The following AKAP10 variants were observed in gnomAD, a reference collection of about 807,000 sequenced individuals.
AKAP10 encodes the protein A-kinase anchoring protein 10.
A neutral mutation model predicts 80.8 loss-of-function variants in AKAP10; 24 were observed. The observed-to-expected ratio is 0.30, with a 90% CI of 0.22 to 0.42. The LOEUF (loss-of-function observed/expected upper bound fraction) is 0.42. Among genes scored for constraint, AKAP10 ranks in the 10% least tolerant of loss-of-function variants. The pLI is 1.00. For missense variants in AKAP10, 661 were observed against 794.9 expected (o/e 0.83, Z 2.03); for synonymous variants, 291 against 277.7 (o/e 1.05, Z -0.48).
rs1362131356 is a variant in AKAP10 at position 19,939,787 on chromosome 17, C to T, written c.1248G>A (p.Gln416=). Residue 416 remains glutamine (Q), a synonymous_variant, in exon 8 of 15, where the codon CAG becomes CAA. Transcript: ENST00000225737. ...GGCCCTTTTTGGCAGCAAGCTGAGA[C>T]TGGAAGTTATCTGCTGCCAACCAGA... ...LQFWLAADNF[Q]SQLAAKKGQY... is the part of the protein sequence containing the mutation. 1.2e-6 allele frequency: 2 copies of T among 1,614,030 alleles called. No homozygotes were observed. Among genetic ancestry groups the T allele is most frequent in the Non-Finnish European group, 1.7e-6 (2 of 1,180,000 alleles).
chr17:19,923,606 A>T (rs2042842167), intron 11 of AKAP10, among the ~76,000 whole-genome samples: 2 of 152,024 alleles, frequency 1.3e-5, no homozygotes, highest in East Asian at 3.9e-4. Flanking sequence ...AGCTCACTGC[A>T]AGCTCCGCCT....
chr17:19,934,969 G>A lies in AKAP10; in HGVS notation c.1467+1317C>T, dbSNP rs947214960. Among the ~76,000 whole-genome samples the A allele has an allele frequency of 8.5e-5, 13 of 152,302 alleles. No homozygotes were observed. In the East Asian group the frequency reaches 1.3e-3, roughly 16 times the overall value. ...AGAAGTTGCAGTGTGCCAAGACTGTGCAACTGCACTCCAGCCTGGACAATG... is the reference window on the plus strand; with the variant it reads ...AGAAGTTGCAGTGTGCCAAGACTGTACAACTGCACTCCAGCCTGGACAATG... On this transcript the variant is annotated intron_variant, in intron 9 of 14. Coordinates refer to ENST00000225737, the MANE Select transcript of AKAP10 (RefSeq NM_007202.4).
At chr17:19,921,551 G>A (rs913764387) in intron 11 of AKAP10, among the ~76,000 whole-genome samples, 3 of 151,922 alleles carry the variant, frequency 2.0e-5, no homozygotes, top group Non-Finnish European at 1.5e-5. Flanking sequence ...AATTTAAAAT[G>A]TAGGCCAGGC....
intron 3 of AKAP10, among the ~76,000 whole-genome samples, chr17:19,962,372 A>G (rs1193367939): frequency 6.6e-6 from 1 of 152,090 alleles, no homozygotes; most frequent in Non-Finnish European, 1.5e-5. Context: ...TAGGTCTTAG[A>G]AAGAGTGGCC....
chr17:19,966,728 A>AATTTTTTAGCCCAGT (rs1276986020), intron 2 of AKAP10, among the ~76,000 whole-genome samples: 155 of 119,510 alleles, frequency 1.3e-3, no homozygotes, highest in Admixed American at 1.8e-3. Flanking sequence ...GAAGAATCTG[A>AATTTTTTAGCCCAGT]AGAAAGTTAC....
At chr17:19,976,101 C>T (rs1290211380) in intron 1 of AKAP10, among the ~76,000 whole-genome samples, 2 of 152,192 alleles carry the variant, frequency 1.3e-5, no homozygotes, top group Non-Finnish European at 2.9e-5. Context: ...TGACAGAAGA[C>T]AGAAAAGTAG....
At chr17:19,943,439 C>A (rs543717763) in intron 5 of AKAP10, among the ~76,000 whole-genome samples, 1 of 152,214 alleles carries the variant, frequency 6.6e-6, no homozygotes, top group East Asian at 1.9e-4. Context: ...AATGAAGTCT[C>A]CACAAAAAAC....
At chr17:19,954,327 A>G (rs2043247809) in intron 4 of AKAP10, among the ~76,000 whole-genome samples, 1 of 152,188 alleles carries the variant, frequency 6.6e-6, no homozygotes, top group Admixed American at 6.5e-5. Context: ...AAGGCAATTC[A>G]ATGGAGTAAA....
intron 8 of AKAP10, among the ~76,000 whole-genome samples, chr17:19,936,878 C>A (rs1179482648): frequency 6.6e-6 from 1 of 152,142 alleles, no homozygotes. Context: ...ATCATAACTA[C>A]AAGGCATCAG....
chr17:19,916,544 C>T (rs532752378), intron 12 of AKAP10, among the ~76,000 whole-genome samples: 6 of 152,162 alleles, frequency 3.9e-5, no homozygotes, highest in African/African-American at 1.2e-4. Context: ...ACTGCAAACA[C>T]CGAACACCTA....
rs763810296 is a variant in AKAP10, at chr17:19,940,925, T to G, written c.1147A>C (p.Ile383Leu). ...AAGAGGGCTGACTCACAGAAGAGAATGTCAGCCAGGTAAACAGTTCCACTG... is the reference window on the plus strand; with the variant it reads ...AAGAGGGCTGACTCACAGAAGAGAAGGTCAGCCAGGTAAACAGTTCCACTG... ...LTSGTVYLAD[I>L]LFCESALFYF... The change falls in exon 7 of 15, where the codon ATT becomes CTT. Residue 383 changes from isoleucine (I) to leucine (L), a missense_variant. Coordinates refer to ENST00000225737, the MANE Select transcript of AKAP10 (RefSeq NM_007202.4). The G allele has an allele frequency of 6.2e-7, 1 of 1,609,820 alleles. No homozygotes were observed. Among genetic ancestry groups the G allele is most frequent in the Admixed American group, 1.7e-5 (1 of 58,624 alleles).
intron 1 of AKAP10, among the ~76,000 whole-genome samples, chr17:19,976,968 TTGGGCAG>T (rs556487946): frequency 4.4e-4 from 67 of 152,310 alleles, no homozygotes; most frequent in African/African-American, 1.5e-3. Context: ...TACGTAAACA[TTGGGCAG>T]GTAATACAAC....
At chr17:19,927,538 C>G (rs537390700) in intron 10 of AKAP10, among the ~76,000 whole-genome samples, 1 of 152,114 alleles carries the variant, frequency 6.6e-6, no homozygotes, top group African/African-American at 2.4e-5. Context: ...GTGGCTCACG[C>G]CTGTACTCCC....
chr17:19,957,898 A>T, intron 4 of AKAP10, 116 bp downstream of exon 4: 1 of 1,103,754 alleles, frequency 9.1e-7, no homozygotes, highest in Non-Finnish European at 1.3e-6. Context: ...ATTTACAAGT[A>T]GTTAGAGGAG....
chr17:19,977,120 G>GT (rs1448862388), intron 1 of AKAP10, among the ~76,000 whole-genome samples: 2 of 152,074 alleles, frequency 1.3e-5, no homozygotes, highest in Non-Finnish European at 2.9e-5. Flanking sequence ...AGTAACAGCA[G>GT]TAACTACCCC....
chr17:19,928,658 C>T (rs1875863140), intron 10 of AKAP10, among the ~76,000 whole-genome samples: 1 of 152,154 alleles, frequency 6.6e-6, no homozygotes, highest in Non-Finnish European at 1.5e-5. Flanking sequence ...GGGTGGATCA[C>T]TTGAGGTCAA....
At chr17:19,966,914 G>C (rs146428837) in intron 2 of AKAP10, among the ~76,000 whole-genome samples, 1 of 151,990 alleles carries the variant, frequency 6.6e-6, no homozygotes, top group Non-Finnish European at 1.5e-5. Flanking sequence ...CTCAAAGAAG[G>C]CAGTTTGAAC....
chr17:19,956,833 C>T (rs922159737), intron 4 of AKAP10, among the ~76,000 whole-genome samples: 1 of 151,974 alleles, frequency 6.6e-6, no homozygotes, highest in Non-Finnish European at 1.5e-5. Context: ...GGTGAAACCC[C>T]GTCTCTACTA....
Position 19,958,910 on chromosome 17 carries a change from G to A in AKAP10, c.320-339C>T, listed in dbSNP as rs1327790458. Among the ~76,000 whole-genome samples the A allele has an allele frequency of 2.1e-5, 3 of 140,936 alleles. No homozygotes were observed. In the Admixed American group the frequency reaches 2.3e-4, roughly 11 times the overall value. The allele number at this position is 140,936 out of a possible 152,430, so 92.5% of individuals were successfully genotyped here. On this transcript the variant is annotated intron_variant, in intron 3 of 14. Transcript: ENST00000225737. The stretch of plus-strand genomic sequence containing the variant: ...GTTGCCTAGGCTGGAGAGCAATGGC[G>A]CGATCTCGGCTCAATGCAACCAACC...
Sources: gnomAD v4.1 joint callset for allele counts (sites outside exome capture counted in the v4.1 genomes callset) on GRCh38, gnomAD v4.1.1 for gene constraint, MANE v1.5 for transcripts, NCBI Gene and HGNC (gene_info 2026-07-23, HGNC 2026-07-21) for gene names.